Variants in COL24A1 observed in about 807,000 individuals in gnomAD.
COL24A1 encodes collagen alpha-1(XXIV) chain.
In COL24A1, 224 loss-of-function variants were observed where a neutral mutation model predicts 253.9. That is an observed-to-expected ratio of 0.88 (90% CI 0.79 to 0.99). COL24A1 has a LOEUF of 0.99. COL24A1 is among the 50% of genes least tolerant of loss of function. The pLI, the probability that COL24A1 is intolerant of heterozygous loss-of-function variation, is 0.00. For synonymous variants in COL24A1, 685 were observed against 673.7 expected (o/e 1.02, Z -0.26); for missense variants, 2,131 against 2,068.5 (o/e 1.03, Z -0.59).
rs370071123 is a variant in COL24A1, at chr1:86,001,555, T to C, written c.2311-13901A>G. 2.0e-4 allele frequency among the ~76,000 whole-genome samples: 30 copies of C among 152,324 alleles called. 2 individuals are homozygous for C. Among genetic ancestry groups the C allele is most frequent in the East Asian group, 1.9e-3 (10 of 5,188 alleles). ...ATTTTGCATTAGTTTCAGGTTTCTG[T>C]TCATTGCTGAAATGTAAATATCCTT... On this transcript the variant is annotated intron_variant, in intron 19 of 59. Coordinates refer to ENST00000370571, the MANE Select transcript of COL24A1 (RefSeq NM_152890.7).
At chr1:85,819,765 A>G (rs1673415914) in intron 45 of COL24A1, among the ~76,000 whole-genome samples, 1 of 152,138 alleles carries the variant, frequency 6.6e-6, no homozygotes, top group Non-Finnish European at 1.5e-5. Flanking sequence ...GAAGAAAAAG[A>G]GAAGCGGGAC....
At chr1:85,968,480 C>T (rs1247943829) in intron 22 of COL24A1, among the ~76,000 whole-genome samples, 2 of 152,152 alleles carry the variant, frequency 1.3e-5, no homozygotes, top group Non-Finnish European at 2.9e-5. Context: ...CTAATTTTTG[C>T]TTTTGACTGC....
At chr1:85,885,753 C>T (rs774289455) in intron 32 of COL24A1, among the ~76,000 whole-genome samples, 116 of 152,238 alleles carry the variant, frequency 7.6e-4, no homozygotes, top group Admixed American at 9.8e-4. Context: ...ACAATGGTGA[C>T]ACCAGTCCAA....
intron 24 of COL24A1, among the ~76,000 whole-genome samples, chr1:85,952,956 A>G (rs1449324435): frequency 1.3e-5 from 2 of 152,200 alleles, no homozygotes; most frequent in East Asian, 3.8e-4. Flanking sequence ...ATTATAATTC[A>G]GCCATCACCT....
intron 37 of COL24A1, among the ~76,000 whole-genome samples, chr1:85,849,963 T>A (rs1052088385): frequency 4.4e-4 from 67 of 151,924 alleles, no homozygotes; most frequent in African/African-American, 1.6e-3. Flanking sequence ...TCAAAGAAAA[T>A]CTCAAAATCT....
chr1:85,758,360 C>T (rs945643950), intron 55 of COL24A1, among the ~76,000 whole-genome samples: 2 of 152,122 alleles, frequency 1.3e-5, no homozygotes, highest in African/African-American at 4.8e-5. Flanking sequence ...TTCTTTCTCT[C>T]ACTTAATGAT....
intron 3 of COL24A1, among the ~76,000 whole-genome samples, chr1:86,121,503 G>A (rs2390013): frequency 0.72 from 109,933 of 151,852 alleles, 39,740 homozygotes; most frequent in Middle Eastern, 0.77. Flanking sequence ...TGACATTAAC[G>A]TACAAAAATA....
At chr1:85,778,886 G>A (rs139282572) in intron 52 of COL24A1, among the ~76,000 whole-genome samples, 4,305 of 152,264 alleles carry the variant, frequency 0.028, 72 homozygotes, top group East Asian at 0.081. Flanking sequence ...TTACAAGCAT[G>A]AGCCACTGCG....
chr1:86,014,121 A>G (rs1696785650), intron 19 of COL24A1, among the ~76,000 whole-genome samples: 2 of 152,186 alleles, frequency 1.3e-5, no homozygotes, highest in Admixed American at 6.5e-5. Context: ...CTTGCTTTCA[A>G]GAGAAATGAA....
chr1:85,790,233 T>G (rs1670120326), intron 47 of COL24A1, among the ~76,000 whole-genome samples: 1 of 152,170 alleles, frequency 6.6e-6, no homozygotes, highest in Admixed American at 6.6e-5. Flanking sequence ...ATTTCAGAAC[T>G]CATTATTGGT....
chr1:85,790,729 T>A (rs2101662297), intron 47 of COL24A1, among the ~76,000 whole-genome samples: 1 of 152,328 alleles, frequency 6.6e-6, no homozygotes, highest in Admixed American at 6.5e-5. Context: ...ATTGTATTTT[T>A]AGGCACCATG....
At chr1:86,136,892 C>T (rs991904820) in intron 2 of COL24A1, among the ~76,000 whole-genome samples, 1 of 152,002 alleles carries the variant, frequency 6.6e-6, no homozygotes, top group African/African-American at 2.4e-5. Context: ...AGTATGAATA[C>T]ACTTAGCAAA....
At position 86,125,337 on chromosome 1, in the gene COL24A1, C is replaced by T; in HGVS notation, c.999G>A (p.Gln333=). 6.2e-7 allele frequency: 1 copy of T among 1,613,600 alleles called. No homozygotes were observed. Among genetic ancestry groups the T allele is most frequent in the Non-Finnish European group, 8.5e-7 (1 of 1,179,792 alleles). The part of the protein sequence containing the change: ...SAVDLTNHGI[Q]AKEMITEEDT... Reference sequence around the variant, plus strand: ...CTTCCTCAGTGATCATTTCTTTGGCCTGAATCCCATGGTTTGTGAGATCCA... The same window carrying T: ...CTTCCTCAGTGATCATTTCTTTGGCTTGAATCCCATGGTTTGTGAGATCCA... The change falls in exon 3 of 60, where the codon CAG becomes CAA. Residue 333 remains glutamine (Q), a synonymous_variant. Coordinates refer to ENST00000370571, the MANE Select transcript of COL24A1 (RefSeq NM_152890.7).
intron 24 of COL24A1, among the ~76,000 whole-genome samples, chr1:85,922,459 T>G (rs1444250227): frequency 6.6e-6 from 1 of 152,182 alleles, no homozygotes; most frequent in African/African-American, 2.4e-5. Flanking sequence ...ATCAGACTAA[T>G]AGCGGATCTC....
In COL24A1 at chr1:86,125,326, A is replaced by G; in HGVS notation, c.1010T>C (p.Met337Thr). 6.2e-7 allele frequency: 1 copy of G among 1,613,624 alleles called. No individual in the cohort carries two copies. The highest frequency in any genetic ancestry group is 1.7e-4 in the Middle Eastern group (1 of 6,060). ...LTNHGIQAKE[M>T]ITEEDTQTNF... ...TGTCTGAGTATCTTCCTCAGTGATCATTTCTTTGGCCTGAATCCCATGGTT... is the reference window on the plus strand; with the variant it reads ...TGTCTGAGTATCTTCCTCAGTGATCGTTTCTTTGGCCTGAATCCCATGGTT... The change falls in exon 3 of 60, where the codon ATG becomes ACG. Residue 337 changes from methionine to threonine, a missense_variant. Physicochemically the swap from Met to Thr is moderately conservative, Grantham distance 81. Transcript: ENST00000370571.
At chr1:86,069,221 C>T (rs941951155) in intron 7 of COL24A1, among the ~76,000 whole-genome samples, 1 of 152,022 alleles carries the variant, frequency 6.6e-6, no homozygotes, top group Admixed American at 6.6e-5. Flanking sequence ...CTGGACCGTC[C>T]CTACTGTGCT....
At chr1:85,967,618 G>A (rs1284497137) in intron 22 of COL24A1, among the ~76,000 whole-genome samples, 1 of 152,102 alleles carries the variant, frequency 6.6e-6, no homozygotes, top group Non-Finnish European at 1.5e-5. Context: ...AAGAATAGAG[G>A]ATAAGATCAC....
At chr1:85,920,953 A>G (rs1686397329) in intron 24 of COL24A1, among the ~76,000 whole-genome samples, 1 of 152,086 alleles carries the variant, frequency 6.6e-6, no homozygotes, top group Non-Finnish European at 1.5e-5. Context: ...AAAACAAAAG[A>G]AAGAGTCACA....
chr1:86,045,867 A>T (rs1461041446), intron 12 of COL24A1: 2 of 443,876 alleles, frequency 4.5e-6, no homozygotes, highest in East Asian at 1.4e-4. Flanking sequence ...GAAACAATTC[A>T]TGCCTCTTCT....
Sources: gnomAD v4.1 joint callset for allele counts (sites outside exome capture counted in the v4.1 genomes callset) on GRCh38, gnomAD v4.1.1 for gene constraint, MANE v1.5 for transcripts, NCBI Gene and HGNC (gene_info 2026-07-23, HGNC 2026-07-21) for gene names.